SLC35A3: variants seen among roughly 807,000 people sequenced by gnomAD.
The protein encoded by SLC35A3 is solute carrier family 35 member A3.
A neutral mutation model predicts 39.0 loss-of-function variants in SLC35A3; 26 were observed. That is an observed-to-expected ratio of 0.67 (90% confidence interval 0.49 to 0.92). The LOEUF is 0.92. Ranked by LOEUF, SLC35A3 falls within the 40% of genes least tolerant of loss-of-function variation. The pLI, the probability that SLC35A3 is intolerant of heterozygous loss-of-function variation, is 0.00. For synonymous variants in SLC35A3, 135 were observed against 133.1 expected (o/e 1.01, Z -0.10); for missense variants, 299 against 371.6 (o/e 0.80, Z 1.61).
chr1:100,005,093 G>A (rs562595858), intron 3 of SLC35A3, among the ~76,000 whole-genome samples: 1 of 152,168 alleles, frequency 6.6e-6, no homozygotes, highest in Non-Finnish European at 1.5e-5. Flanking sequence ...ACTGCGTATG[G>A]TATTTTTATC....
intron 1 of SLC35A3, 74 bp downstream of exon 1, chr1:99,970,236 T>TGGAGGAGGA (rs1656720463): frequency 4.2e-6 from 1 of 235,962 alleles, no homozygotes; most frequent in Non-Finnish European, 8.2e-6. Context: ...GGGAAGCTCC[T>TGGAGGAGGA]GGAGGAGGAG....
At chr1:100,012,313 GAAAT>G (rs1230271824) in intron 5 of SLC35A3, among the ~76,000 whole-genome samples, 3 of 152,018 alleles carry the variant, frequency 2.0e-5, no homozygotes, top group Admixed American at 1.3e-4. Flanking sequence ...GAAAAAGAAA[GAAAT>G]AAGGTTTGTG....
At chr1:100,022,018 T>C (rs1295664679) in intron 7 of SLC35A3, among the ~76,000 whole-genome samples, 1 of 152,180 alleles carries the variant, frequency 6.6e-6, no homozygotes, top group Non-Finnish European at 1.5e-5. Flanking sequence ...TAAAATAGCT[T>C]TGCTTTGGAA....
In SLC35A3 at chr1:100,032,549, T is replaced by G. The variant is rs1557855965; in HGVS notation, c.*10073T>G. The G allele has an allele frequency of 6.6e-6, 1 of 152,204 alleles. No individual in the cohort carries two copies. Among genetic ancestry groups the G allele is most frequent in the East Asian group, 1.9e-4 (1 of 5,186 alleles). The allele number at this position is 152,204 out of a possible 1,614,324, so 9.4% of individuals were successfully genotyped here. A position where few individuals can be genotyped will look rare whatever the true frequency, so the allele number is the denominator to read the frequency against. On this transcript the variant is annotated 3_prime_UTR_variant, in exon 8 of 8. Transcript: ENST00000533028. Reference sequence around the variant, plus strand: ...CCCATGTAAGTCACAGCAAGCTAGCTCTTGGGTTTTTTTTGAGATGGAGTT... The same window carrying G: ...CCCATGTAAGTCACAGCAAGCTAGCGCTTGGGTTTTTTTTGAGATGGAGTT...
chr1:99,970,118 C>G lies in SLC35A3; in HGVS notation c.-63C>G, dbSNP rs1488742994. On this transcript the variant is annotated 5_prime_UTR_variant, in exon 1 of 8. Coordinates refer to ENST00000533028, the MANE Select transcript of SLC35A3 (RefSeq NM_012243.3). ...GCCTGGGGCGCCCGGCGGAGCTGAACCGCGGCCCCCGGTGGTGGGCTCAGC... is the reference window on the plus strand; with the variant it reads ...GCCTGGGGCGCCCGGCGGAGCTGAAGCGCGGCCCCCGGTGGTGGGCTCAGC... 6.4e-6 allele frequency: 1 copy of G among 155,904 alleles called. No homozygotes were observed. Among genetic ancestry groups the G allele is most frequent in the Non-Finnish European group, 1.4e-5 (1 of 70,570 alleles). 9.7% of individuals were successfully genotyped at this position (155,904 alleles called of 1,614,324 possible). A position where few individuals can be genotyped will look rare whatever the true frequency, so the allele number is the denominator to read the frequency against.
At chr1:100,021,743 TGTAAA>T (rs143602719) in intron 7 of SLC35A3, among the ~76,000 whole-genome samples, 8,944 of 152,254 alleles carry the variant, frequency 0.059, 341 homozygotes, top group African/African-American at 0.1. Flanking sequence ...TCTGATTTAT[TGTAAA>T]GTAGACTATA....
chr1:99,970,611 G>A (rs907319348), intron 1 of SLC35A3: 10 of 1,535,968 alleles, frequency 6.5e-6, no homozygotes, highest in Admixed American at 2.0e-5. Context: ...TCAAGAAGCC[G>A]CAGGAACTTA....
At position 100,027,472 on chromosome 1, in the gene SLC35A3, T is replaced by G; in HGVS notation, c.*4996T>G. ...CTCAAAAAACAAACAAAACAAAAAC[T>G]GAAACAACAAAAAAAGACTGGGTTT... On this transcript the variant is annotated 3_prime_UTR_variant, in exon 8 of 8. Transcript: ENST00000533028. 3.1e-6 allele frequency: 1 copy of G among 319,888 alleles called. No individual in the cohort carries two copies. Among genetic ancestry groups the G allele is most frequent in the South Asian group, 1.6e-4 (1 of 6,306 alleles). 19.8% of individuals were successfully genotyped at this position (319,888 alleles called of 1,614,324 possible). A position where few individuals can be genotyped will look rare whatever the true frequency, so the allele number is the denominator to read the frequency against.
At position 99,982,815 on chromosome 1, in the gene SLC35A3, G is replaced by T. The variant is rs115469452; in HGVS notation, c.-18-10722G>T. Among the ~76,000 whole-genome samples, 1,240 of 152,168 alleles carry T rather than the reference G, an allele frequency of 8.1e-3. 17 individuals carry two copies. Among genetic ancestry groups the T allele is most frequent in the African/African-American group, 0.028 (1,170 of 41,518 alleles). On this transcript the variant is annotated intron_variant, in intron 1 of 7. Transcript: ENST00000533028. ...TATATTTTCCCCCAAGAGGTGAGAA[G>T]AGATTTAAAAATAATAAAACTGAAC... is the stretch of plus-strand genomic sequence containing the variant.
In SLC35A3 at chr1:100,034,784, C is replaced by T. The variant is rs1661407016; in HGVS notation, c.*12308C>T. Reference sequence around the variant, plus strand: ...ATCTTGTTTCTTTAGGAATCTTTTACTTTTGGCCACTTGCCTTTCTTTCCA... The same window carrying T: ...ATCTTGTTTCTTTAGGAATCTTTTATTTTTGGCCACTTGCCTTTCTTTCCA... On this transcript the variant is annotated 3_prime_UTR_variant, in exon 8 of 8. Coordinates refer to ENST00000533028, the MANE Select transcript of SLC35A3 (RefSeq NM_012243.3). 6.6e-6 allele frequency: 1 copy of T among 152,132 alleles called. No homozygotes were observed. The highest frequency in any genetic ancestry group is 1.5e-5 in the Non-Finnish European group (1 of 68,010). 9.4% of individuals were successfully genotyped at this position (152,132 alleles called of 1,614,324 possible).
chr1:99,973,594 A>G (rs370358614), intron 1 of SLC35A3, among the ~76,000 whole-genome samples: 111 of 152,324 alleles, frequency 7.3e-4, no homozygotes, highest in East Asian at 1.2e-3. Context: ...TTTATCATCC[A>G]TATTGGAGAC....
intron 1 of SLC35A3, among the ~76,000 whole-genome samples, chr1:99,981,670 A>G (rs1422564041): frequency 1.3e-5 from 2 of 151,572 alleles, no homozygotes; most frequent in African/African-American, 4.9e-5. Flanking sequence ...TAGTAGAGAC[A>G]GGGTTTTGCC....
In SLC35A3 at chr1:100,025,058, G is replaced by A; in HGVS notation, c.*2582G>A. 5.3e-6 allele frequency: 1 copy of A among 188,288 alleles called. No homozygotes were observed. The highest frequency in any genetic ancestry group is 1.1e-5 in the Non-Finnish European group (1 of 92,876). 11.7% of individuals were successfully genotyped at this position (188,288 alleles called of 1,614,324 possible). ...ATCACTTTGGTGGTGATTCCAAATT[G>A]GTACCAAGCAAACTTTCTGGATGCC... On this transcript the variant is annotated 3_prime_UTR_variant, in exon 8 of 8. Transcript: ENST00000533028.
intron 2 of SLC35A3, 137 bp downstream of exon 2, chr1:99,993,878 T>C: frequency 1.6e-6 from 1 of 637,776 alleles, no homozygotes; most frequent in Non-Finnish European, 2.6e-6. Flanking sequence ...AAAAATTTTC[T>C]TAAGACATTT....
intron 3 of SLC35A3, 120 bp from the exon 4 acceptor site, chr1:100,006,914 C>T: frequency 2.5e-6 from 3 of 1,178,098 alleles, no homozygotes; most frequent in Admixed American, 3.2e-5. Flanking sequence ...TTCCAGTTCC[C>T]AGCCAGATGC....
chr1:100,014,244 A>G (rs1659894005), intron 5 of SLC35A3, among the ~76,000 whole-genome samples: 1 of 152,106 alleles, frequency 6.6e-6, no homozygotes, highest in Admixed American at 6.6e-5. Flanking sequence ...TTTTTTAGAG[A>G]CAGTCTCGCT....
chr1:100,002,094 G>A (rs1224768195), intron 3 of SLC35A3, among the ~76,000 whole-genome samples: 2 of 152,142 alleles, frequency 1.3e-5, no homozygotes, highest in African/African-American at 4.8e-5. Context: ...CTGTGTGCTT[G>A]TCTGGTTGTG....
intron 7 of SLC35A3, among the ~76,000 whole-genome samples, chr1:100,021,647 G>T (rs1660557478): frequency 6.6e-6 from 1 of 152,148 alleles, no homozygotes; most frequent in Non-Finnish European, 1.5e-5. Context: ...TCCAGAGCCT[G>T]AGGGACTGAG....
chr1:99,976,236 T>A (rs141481331), intron 1 of SLC35A3, among the ~76,000 whole-genome samples: 7 of 152,308 alleles, frequency 4.6e-5, no homozygotes, highest in African/African-American at 1.7e-4. Flanking sequence ...ATAATTAATA[T>A]ATATTTATAT....
Sources: allele counts gnomAD v4.1 joint callset (sites outside exome capture counted in the v4.1 genomes callset), GRCh38; gene constraint gnomAD v4.1.1; transcripts MANE v1.5; gene names NCBI Gene and HGNC (gene_info 2026-07-23, HGNC 2026-07-21).